Variants in RNF213 observed in about 807,000 individuals in gnomAD.
RNF213 encodes the protein ring finger protein 213, also known as E3 ubiquitin-protein ligase RNF213.
RNF213 carries 341 observed loss-of-function variants against 514.4 expected under a neutral mutation model. That is an observed-to-expected ratio of 0.66 (90% confidence interval 0.61 to 0.73). RNF213 has a LOEUF of 0.73. Ranked by LOEUF, RNF213 falls within the 30% of genes least tolerant of loss-of-function variation. RNF213 has a pLI of 0.00. For synonymous variants in RNF213, 2,655 were observed against 2,658.2 expected, an observed-to-expected ratio of 1.00 and a Z score of 0.04; for missense variants, 5,767 against 6,615.6, an observed-to-expected ratio of 0.87 and a Z score of 4.45.
chr17:80,389,848 A>C lies in RNF213; in HGVS notation c.15216A>C (p.Leu5072Phe). 6.2e-7 allele frequency: 1 copy of C among 1,614,114 alleles called. No homozygotes were observed. The highest frequency in any genetic ancestry group is 8.5e-7 in the Non-Finnish European group (1 of 1,180,016). ...TGCAGGCCTTAAACAGATGCCAGTT[A>C]AAACACACCATTGCCCTCTGGCAGT... ...HVLKALNRCQLKHTIALWQFL... is the reference protein window; with the variant it reads ...HVLKALNRCQFKHTIALWQFL... Residue 5072 changes from leucine to phenylalanine, a missense_variant, in exon 66 of 68, where the codon TTA (leucine) becomes TTC (phenylalanine). By Grantham distance (22) the Leu-to-Phe change is conservative (BLOSUM62 0). Around this residue, in one of 13 missense-constraint regions of RNF213, gnomAD observed 1,245 missense variants for 1,339.0 expected, o/e 0.93. Transcript: ENST00000582970.
chr17:80,393,239 CCACAGTGCTGGGCTTACACACGTGAGCCA>C (rs67516934), intron 67 of RNF213, 77 bp from the exon 68 acceptor site: 132,140 of 1,195,860 alleles, frequency 0.11, 7,537 homozygotes, highest in African/African-American at 0.27. Context: ...CCTCAGCCTC[CCACAGTGCTGGGCTTACACACGTGAGCCA>C]CACAGTGCTG....
intron 35 of RNF213, 116 bp from the exon 36 acceptor site, chr17:80,354,325 C>T (rs2144242635): frequency 6.4e-7 from 1 of 1,557,988 alleles, no homozygotes; most frequent in Non-Finnish European, 8.8e-7. Flanking sequence ...TCAGATTTTG[C>T]TCTAGAATTG....
chr17:80,337,743 C>T lies in RNF213; in HGVS notation c.4668+17C>T, dbSNP rs1235400362. 6.5e-7 allele frequency: 1 copy of T among 1,537,168 alleles called. No homozygotes were observed. The highest frequency in any genetic ancestry group is 1.2e-5 in the South Asian group (1 of 84,064). ...GGCCAAAAGGTGAGCGGTCCCCAGC[C>T]CTCGGCGCAGCTGCGGCCCTTCTGC... On this transcript the variant is annotated intron_variant, in intron 24 of 67. Coordinates refer to ENST00000582970, the MANE Select transcript of RNF213 (RefSeq NM_001256071.3).
At chr17:80,387,847 T>C (rs897452044) in intron 63 of RNF213, among the ~76,000 whole-genome samples, 4 of 152,092 alleles carry the variant, frequency 2.6e-5, no homozygotes, top group Non-Finnish European at 5.9e-5. Flanking sequence ...CTTTCCCATC[T>C]CTGTTCTTTG....
Position 80,346,962 on chromosome 17 carries a change from A to C in RNF213, c.8627A>C (p.His2876Pro). 1 of 1,613,760 alleles carries C rather than the reference A, an allele frequency of 6.2e-7. No homozygotes were observed. The highest frequency in any genetic ancestry group is 8.5e-7 in the Non-Finnish European group (1 of 1,179,844). ...TGCATTGAAGACGATCCCGCCCCCC[A>C]CAAAAAGGTCGGCTTCGTGGGCATC... ...DGCIEDDPAP[H>P]KKVGFVGISN... The change falls in exon 29 of 68, where the codon CAC (histidine) becomes CCC (proline). Residue 2876 changes from histidine to proline, a missense_variant. Transcript: ENST00000582970. This position sits in a 1 kb window ranked among gnomAD's most constrained non-coding sequence, Gnocchi z 8.1.
intron 18 of RNF213, among the ~76,000 whole-genome samples, chr17:80,326,049 C>T (rs1160297351): frequency 2.6e-5 from 4 of 152,096 alleles, no homozygotes; most frequent in African/African-American, 9.7e-5. Context: ...ACCTCTGCCT[C>T]CCGGGTTCAA....
chr17:80,274,765 GT>G (rs1201105621), intron 3 of RNF213, among the ~76,000 whole-genome samples: 2 of 18,332 alleles, frequency 1.1e-4, no homozygotes, highest in South Asian at 2.4e-3. Context: ...TGAGTGTGGG[GT>G]GTGAGTGGGG....
intron 17 of RNF213, chr17:80,319,703 A>G: frequency 7.0e-7 from 1 of 1,427,074 alleles, no homozygotes; most frequent in Non-Finnish European, 9.1e-7. Context: ...CAGAACATTT[A>G]TGGAAGCAAA....
chr17:80,296,442 C>T (rs2044950678), intron 10 of RNF213, among the ~76,000 whole-genome samples: 1 of 152,192 alleles, frequency 6.6e-6, no homozygotes, highest in African/African-American at 2.4e-5. Context: ...GCAGAAGCAG[C>T]GTGAATGTTC....
chr17:80,291,820 C>T lies in RNF213; in HGVS notation c.1464C>T (p.Gly488=), dbSNP rs1237788412. The T allele has an allele frequency of 6.2e-7, 1 of 1,614,200 alleles. No homozygotes were observed. Among genetic ancestry groups the T allele is most frequent in the East Asian group, 2.2e-5 (1 of 44,884 alleles). Residue 488 remains glycine (G), a synonymous_variant, in exon 8 of 68, where the codon GGC becomes GGT. Coordinates refer to ENST00000582970, the MANE Select transcript of RNF213 (RefSeq NM_001256071.3). ...RCLFIKSSLL[G]SGDWHQYYDI... is the part of the protein sequence containing the mutation. ...TGTTCATAAAATCTTCACTTCTGGG[C>T]TCAGGAGGTAAGTCGTGGCAGCAGG... is the stretch of plus-strand genomic sequence containing the variant.
chr17:80,277,869 G>C (rs543656835), intron 3 of RNF213, among the ~76,000 whole-genome samples: 1 of 152,338 alleles, frequency 6.6e-6, no homozygotes, highest in Non-Finnish European at 1.5e-5. Flanking sequence ...CTGAGACAGC[G>C]AGCTGCGTGG....
In RNF213 at chr17:80,369,875, C is replaced by T. The variant is rs2079445731; in HGVS notation, c.12425+8C>T. Reference sequence around the variant, plus strand: ...ACTGCTTTTGAAGTACAGGTAAGAACAACATGGAGACTTGCTTCTGGAAAG... The same window carrying T: ...ACTGCTTTTGAAGTACAGGTAAGAATAACATGGAGACTTGCTTCTGGAAAG... On this transcript the variant is annotated splice_region_variant and intron_variant, in intron 46 of 67. Transcript: ENST00000582970. 1 of 1,568,284 alleles carries T rather than the reference C, an allele frequency of 6.4e-7. No homozygotes were observed.
chr17:80,272,870 C>A (rs77956633), intron 2 of RNF213, among the ~76,000 whole-genome samples: 2,890 of 152,248 alleles, frequency 0.019, 58 homozygotes, highest in East Asian at 0.11. Flanking sequence ...CTGGGGAAGA[C>A]AGGAGGAATG....
In RNF213 at chr17:80,291,794, CTG is replaced by C; in HGVS notation, c.1440_1441del (p.Phe481HisfsTer16). ...GAAGGGCGAGTACGTCAACCGCTGT[CTG>C]TTCATAAAATCTTCACTTCTGGGCT... ...QKKGEYVNRC[L>X]FIKSSLLGSG... is the part of the protein sequence containing the mutation. On this transcript the variant is annotated frameshift_variant, in exon 8 of 68. Coordinates refer to ENST00000582970, the MANE Select transcript of RNF213 (RefSeq NM_001256071.3). LOFTEE classifies it high-confidence loss of function. The C allele has an allele frequency of 1.9e-6, 3 of 1,614,260 alleles. No individual in the cohort carries two copies. Among genetic ancestry groups the C allele is most frequent in the Non-Finnish European group, 1.7e-6 (2 of 1,180,052 alleles).
chr17:80,385,561 A>G lies in RNF213; in HGVS notation c.14479A>G (p.Asn4827Asp). The G allele has an allele frequency of 6.2e-7, 1 of 1,614,174 alleles. No homozygotes were observed. Among genetic ancestry groups the G allele is most frequent in the Non-Finnish European group, 8.5e-7 (1 of 1,180,006 alleles). The change falls in exon 61 of 68, where the codon AAC (asparagine) becomes GAC (aspartate). Residue 4827 changes from asparagine to aspartate, a missense_variant. Around this residue, in one of 13 missense-constraint regions of RNF213, gnomAD observed 1,245 missense variants for 1,339.0 expected, o/e 0.93. Coordinates refer to ENST00000582970, the MANE Select transcript of RNF213 (RefSeq NM_001256071.3). ...AGATGGGTTGAGGCAGCTGCTTCAC[A>G]ACAGGATCACAGTCTTTCTGTCCAC... is the stretch of plus-strand genomic sequence containing the variant. Reference protein sequence around the residue: ...SSDGLRQLLHNRITVFLSTWN... With the variant: ...SSDGLRQLLHDRITVFLSTWN...
intron 2 of RNF213, 86 bp from the exon 3 acceptor site, chr17:80,273,155 A>C (rs1598890134): frequency 1.3e-6 from 2 of 1,542,684 alleles, no homozygotes; most frequent in South Asian, 2.2e-5. Context: ...GAATCTCTCC[A>C]TGCACTCGTG....
intron 3 of RNF213, 102 bp downstream of exon 3, chr17:80,273,506 C>A: frequency 6.8e-7 from 1 of 1,470,138 alleles, no homozygotes; most frequent in Non-Finnish European, 9.3e-7. Context: ...CACCATGGCC[C>A]AGCCCATTGA....
At position 80,372,967 on chromosome 17, in the gene RNF213, C is replaced by A; in HGVS notation, c.12752-8C>A. 5.0e-6 allele frequency: 8 copies of A among 1,612,988 alleles called. No homozygotes were observed. Among genetic ancestry groups the A allele is most frequent in the Non-Finnish European group, 6.8e-6 (8 of 1,179,578 alleles). On this transcript the variant is annotated splice_region_variant and splice_polypyrimidine_tract_variant and intron_variant, in intron 48 of 67. Transcript: ENST00000582970. ...AGCCACTCACCCGCTTTCTCGTTGG[C>A]CTCTCAGAGATGGCCAAGGAGAAGC...
At position 80,382,045 on chromosome 17, in the gene RNF213, T is replaced by C. The variant is rs1215033530; in HGVS notation, c.13978+318T>C. ...TTCAGTGTGCATATATGGGGAGTCT[T>C]CAGTTCCGAAGTCAGCCCCGTAGGT... is the stretch of plus-strand genomic sequence containing the variant. On this transcript the variant is annotated intron_variant, in intron 57 of 67. Coordinates refer to ENST00000582970, the MANE Select transcript of RNF213 (RefSeq NM_001256071.3). The C allele has an allele frequency of 1.1e-5, 4 of 376,712 alleles. No homozygotes were observed. In the East Asian group the frequency reaches 2.4e-4, roughly 22 times the overall value. The allele number at this position is 376,712 out of a possible 1,614,324, so 23.3% of individuals were successfully genotyped here.
Sources: allele counts gnomAD v4.1 joint callset (sites outside exome capture counted in the v4.1 genomes callset), GRCh38; gene constraint gnomAD v4.1.1; regional missense constraint gnomAD v4.1.1; non-coding constraint Gnocchi (gnomAD v3.1); transcripts MANE v1.5; gene names NCBI Gene and HGNC (gene_info 2026-07-23, HGNC 2026-07-21).